Variants in ARMC8 observed in about 807,000 individuals in gnomAD.
ARMC8 encodes the protein armadillo repeat containing 8.
ARMC8 carries 20 observed loss-of-function variants against 99.3 expected under a neutral mutation model. The ratio of observed to expected loss-of-function variants is 0.20; its 90% CI spans 0.14 to 0.29. ARMC8 has a LOEUF of 0.29. ARMC8 is among the 10% of genes least tolerant of loss of function. ARMC8 has a pLI of 1.00. For missense variants in ARMC8, 569 were observed against 809.5 expected (o/e 0.70, Z 3.60); for synonymous variants, 263 against 278.3 (o/e 0.95, Z 0.55).
Position 138,270,173 on chromosome 3 carries a change from A to T in ARMC8, c.1479+41A>T, listed in dbSNP as rs376491748. The T allele has an allele frequency of 9.5e-5, 130 of 1,374,044 alleles. No homozygotes were observed. The African/African-American group carries it at 1.7e-3, about 18-fold the overall frequency. 85.1% of individuals were successfully genotyped at this position (1,374,044 alleles called of 1,614,324 possible). ...ATATATATCATAACTTACAAAAGGA[A>T]TACAGCTATTGTCTAAGTTAGAACT... On this transcript the variant is annotated intron_variant, in intron 16 of 21. Transcript: ENST00000469044.
intron 1 of ARMC8, among the ~76,000 whole-genome samples, chr3:138,196,241 G>T (rs1364909450): frequency 1.3e-5 from 2 of 152,162 alleles, no homozygotes; most frequent in African/African-American, 2.4e-5. Context: ...TTTTGGCCAG[G>T]TGGTATCATC....
chr3:138,219,471 C>G (rs2045271738), intron 2 of ARMC8, among the ~76,000 whole-genome samples: 1 of 152,042 alleles, frequency 6.6e-6, no homozygotes, highest in Non-Finnish European at 1.5e-5. Context: ...TAAAGCTAGT[C>G]AGGGGAAAGT....
chr3:138,194,190 C>T (rs113795086), intron 1 of ARMC8, among the ~76,000 whole-genome samples: 15 of 149,970 alleles, frequency 1.0e-4, no homozygotes, highest in Admixed American at 6.0e-4. Flanking sequence ...CTACAGGCAC[C>T]CACTGCCACG....
chr3:138,271,798 C>CTTTTTTTTTTTTTTTTTT (rs776320900), intron 16 of ARMC8, among the ~76,000 whole-genome samples: 8 of 136,134 alleles, frequency 5.9e-5, no homozygotes, highest in African/African-American at 2.3e-4. Flanking sequence ...TTTTTTCTTT[C>CTTTTTTTTTTTTTTTTTT]TTTTTTTTTT....
intron 5 of ARMC8, 54 bp downstream of exon 5, chr3:138,223,787 C>G (rs2045532710): frequency 1.4e-6 from 2 of 1,457,582 alleles, no homozygotes; most frequent in African/African-American, 2.8e-5. Context: ...CAGCCTACTC[C>G]TAATTTGCTT....
chr3:138,293,142 A>G (rs1288601037), intron 21 of ARMC8, among the ~76,000 whole-genome samples: 1 of 152,094 alleles, frequency 6.6e-6, no homozygotes, highest in Non-Finnish European at 1.5e-5. Context: ...TGAAGGGGAG[A>G]GGAACTTAAC....
chr3:138,229,006 G>C lies in ARMC8; in HGVS notation c.524G>C (p.Cys175Ser), dbSNP rs1559956888. ...EYICQIFSHC[C>S]KGPDHQTILF... ...ATCTGTCAGATCTTCTCACACTGCT[G>C]TAAAGTAAGAACCAGAATAAATGTT... Residue 175 changes from cysteine to serine, a missense_variant, in exon 6 of 22, where the codon TGT becomes TCT. Physicochemically the swap from Cys to Ser is moderately radical, Grantham distance 112. Around this residue, in one of 2 missense-constraint regions of ARMC8, gnomAD observed 342 missense variants for 391.6 expected, o/e 0.87. Coordinates refer to ENST00000469044, the MANE Select transcript of ARMC8 (RefSeq NM_001363941.2). 1 of 1,602,932 alleles carries C rather than the reference G, an allele frequency of 6.2e-7. No homozygotes were observed. Among genetic ancestry groups the C allele is most frequent in the Non-Finnish European group, 8.5e-7 (1 of 1,172,754 alleles).
In ARMC8 at chr3:138,262,534, C is replaced by T. The variant is rs2047846276; in HGVS notation, c.1135-1205C>T. On this transcript the variant is annotated intron_variant, in intron 12 of 21. Coordinates refer to ENST00000469044, the MANE Select transcript of ARMC8 (RefSeq NM_001363941.2). ...TTCTAAGGTCAGACTTCTGAATCCT[C>T]TCATTTTAGTCTAGGTCAGTGATCT... 3 of 1,612,508 alleles carry T rather than the reference C, an allele frequency of 1.9e-6. No homozygotes were observed. The East Asian group carries it at 6.7e-5, about 36-fold the overall frequency.
In ARMC8 at chr3:138,214,004, T is replaced by C. The variant is rs1246951636; in HGVS notation, c.122+4111T>C. Among the ~76,000 whole-genome samples the C allele has an allele frequency of 4.6e-5, 7 of 151,840 alleles. No individual in the cohort carries two copies. In the East Asian group the frequency reaches 1.4e-3, roughly 29 times the overall value. On this transcript the variant is annotated intron_variant, in intron 2 of 21. Coordinates refer to ENST00000469044, the MANE Select transcript of ARMC8 (RefSeq NM_001363941.2). The stretch of plus-strand genomic sequence containing the variant: ...AACCCATCTCTACAAAAATAAAAAT[T>C]AGCCAGGCGTGGTGGTACGTGCCTG...
intron 1 of ARMC8, among the ~76,000 whole-genome samples, chr3:138,189,276 G>C (rs2043242393): frequency 6.7e-6 from 1 of 149,722 alleles, no homozygotes; most frequent in African/African-American, 2.4e-5. Flanking sequence ...CTCATTAGGG[G>C]CTTTTTTTTT....
intron 12 of ARMC8, among the ~76,000 whole-genome samples, chr3:138,254,606 C>T (rs1337588008): frequency 6.6e-6 from 1 of 152,080 alleles, no homozygotes; most frequent in Admixed American, 6.5e-5. Context: ...CTGTATTCTG[C>T]CATTAAGCTA....
chr3:138,227,521 A>G (rs545060901), intron 5 of ARMC8, among the ~76,000 whole-genome samples: 1 of 152,352 alleles, frequency 6.6e-6, no homozygotes, highest in East Asian at 1.9e-4. Flanking sequence ...TTTTTAAACT[A>G]CTTGTGTAAA....
intron 2 of ARMC8, among the ~76,000 whole-genome samples, chr3:138,215,452 G>A (rs748832664): frequency 1.4e-4 from 21 of 152,094 alleles, no homozygotes; most frequent in Non-Finnish European, 2.1e-4. Flanking sequence ...TCCTGATCTC[G>A]TGATCCACCC....
intron 20 of ARMC8, 91 bp downstream of exon 20, chr3:138,289,211 G>A: frequency 9.9e-7 from 1 of 1,005,434 alleles, no homozygotes; most frequent in Non-Finnish European, 1.5e-6. Context: ...ATCCTGGGCA[G>A]AGGCTCTGTT....
chr3:138,287,844 T>C (rs964183818), intron 19 of ARMC8: 5 of 305,954 alleles, frequency 1.6e-5, no homozygotes, highest in Non-Finnish European at 3.3e-5. Context: ...GCATAAATTA[T>C]TTGAACATAC....
At chr3:138,252,510 G>A (rs1304361910) in intron 12 of ARMC8, among the ~76,000 whole-genome samples, 1 of 142,850 alleles carries the variant, frequency 7.0e-6, no homozygotes, top group Non-Finnish European at 1.5e-5. Flanking sequence ...CTGGAGTGCT[G>A]TGGCACGATC....
intron 12 of ARMC8, among the ~76,000 whole-genome samples, chr3:138,258,095 A>G (rs889427519): frequency 1.3e-5 from 2 of 152,116 alleles, no homozygotes; most frequent in Non-Finnish European, 2.9e-5. Context: ...TTGCTTGGCT[A>G]TTATGCACAT....
At chr3:138,281,146 T>C (rs963816858) in intron 18 of ARMC8, among the ~76,000 whole-genome samples, 3 of 152,136 alleles carry the variant, frequency 2.0e-5, no homozygotes, top group Admixed American at 2.0e-4. Context: ...TTTACCAGTC[T>C]CTGCTCTATT....
Position 138,245,115 on chromosome 3 carries a change from G to C in ARMC8, c.1066G>C (p.Glu356Gln). 6.2e-7 allele frequency: 1 copy of C among 1,613,900 alleles called. No individual in the cohort carries two copies. Among genetic ancestry groups the C allele is most frequent in the Non-Finnish European group, 8.5e-7 (1 of 1,179,968 alleles). Residue 356 changes from glutamate (E) to glutamine (Q), a missense_variant, in exon 12 of 22, where the codon GAA (glutamate) becomes CAA (glutamine). By Grantham distance (29) the Glu-to-Gln change is conservative (BLOSUM62 2). This residue lies in a region of ARMC8 where 227 missense variants were observed against 417.9 expected (regional missense o/e 0.54). Transcript: ENST00000469044. Reference sequence around the variant, plus strand: ...TGATCATGATTTAAAACATGCTCACGAACTCCGCCAGGCTGCATTCAAGCT... The same window carrying C: ...TGATCATGATTTAAAACATGCTCACCAACTCCGCCAGGCTGCATTCAAGCT... ...RLDHDLKHAH[E>Q]LRQAAFKLYA...
Sources: gnomAD v4.1 joint callset for allele counts (sites outside exome capture counted in the v4.1 genomes callset) on GRCh38, gnomAD v4.1.1 for gene constraint, gnomAD v4.1.1 regional missense constraint, MANE v1.5 for transcripts, NCBI Gene and HGNC (gene_info 2026-07-23, HGNC 2026-07-21) for gene names.